The following NTM variants were observed in gnomAD, a reference collection of about 807,000 sequenced individuals.
The protein encoded by NTM is IgLON family member 2.
A neutral mutation model predicts 42.1 loss-of-function variants in NTM; 13 were observed. The observed-to-expected ratio is 0.31, with a 90% confidence interval of 0.20 to 0.49. The LOEUF (loss-of-function observed/expected upper bound fraction) is 0.49. Among genes scored for constraint, NTM ranks in the 20% least tolerant of loss-of-function variants. The pLI is 0.99. For synonymous variants in NTM, 187 were observed against 179.2 expected, an observed-to-expected ratio of 1.04 and a Z score of -0.35; for missense variants, 373 against 452.8, an observed-to-expected ratio of 0.82 and a Z score of 1.60.
intron 2 of NTM, among the ~76,000 whole-genome samples, chr11:131,922,420 C>G (rs367591015): frequency 3.3e-5 from 5 of 152,216 alleles, no homozygotes; most frequent in African/African-American, 9.7e-5. Flanking sequence ...GTCCTCCCAG[C>G]CAGTACCCTT....
intron 1 of NTM, among the ~76,000 whole-genome samples, chr11:131,515,715 A>G (rs908432454): frequency 3.9e-5 from 6 of 152,218 alleles, no homozygotes; most frequent in African/African-American, 1.4e-4. Context: ...TTATGACCCT[A>G]GGATCGGAGA....
At chr11:132,001,596 G>T (rs1183443320) in intron 2 of NTM, among the ~76,000 whole-genome samples, 2 of 152,032 alleles carry the variant, frequency 1.3e-5, no homozygotes, top group African/African-American at 2.4e-5. Context: ...AGAGGGTGGG[G>T]AGGAGGTACC....
chr11:132,302,446 G>A (rs1163195052), intron 4 of NTM, among the ~76,000 whole-genome samples: 5 of 152,176 alleles, frequency 3.3e-5, no homozygotes, highest in South Asian at 2.1e-4. Flanking sequence ...GAAATACAAT[G>A]ATCATGCTAA....
chr11:131,672,422 T>G (rs994334327), intron 1 of NTM, among the ~76,000 whole-genome samples: 3 of 152,160 alleles, frequency 2.0e-5, no homozygotes, highest in African/African-American at 7.2e-5. Context: ...TGGGCGTGTT[T>G]GGATGAGCGC....
At chr11:131,795,389 AG>A in intron 1 of NTM, 2 of 984,804 alleles carry the variant, frequency 2.0e-6, no homozygotes, top group South Asian at 9.4e-5. Flanking sequence ...TCACTTAAAA[AG>A]GGAATAGTGA....
At chr11:131,443,805 A>C (rs987356093) in intron 1 of NTM, among the ~76,000 whole-genome samples, 31 of 152,206 alleles carry the variant, frequency 2.0e-4, no homozygotes, top group Non-Finnish European at 2.9e-5. Context: ...CTTCCATGGC[A>C]TGAGGTGTCA....
chr11:131,701,374 A>G (rs1445441806), intron 1 of NTM, among the ~76,000 whole-genome samples: 1 of 152,198 alleles, frequency 6.6e-6, no homozygotes, highest in Admixed American at 6.5e-5. Flanking sequence ...AGTATATGTT[A>G]TTCCTTTTCT....
chr11:131,583,321 T>C (rs563687505), intron 1 of NTM, among the ~76,000 whole-genome samples: 2 of 152,314 alleles, frequency 1.3e-5, no homozygotes, highest in East Asian at 1.9e-4. Flanking sequence ...CCCAATATAC[T>C]GCACACATTT....
chr11:131,794,610 T>G, intron 1 of NTM: 1 of 963,568 alleles, frequency 1.0e-6, no homozygotes, highest in East Asian at 1.3e-4. Flanking sequence ...ACAAAATAAG[T>G]GCTGGATGAG....
intron 1 of NTM, among the ~76,000 whole-genome samples, chr11:131,476,347 C>T (rs1276055997): frequency 6.6e-6 from 1 of 152,338 alleles, no homozygotes; most frequent in East Asian, 1.9e-4. Context: ...AACCAGGTAG[C>T]AGCAGGACCC....
At chr11:131,826,112 C>T (rs76496333) in intron 1 of NTM, among the ~76,000 whole-genome samples, 2,739 of 152,084 alleles carry the variant, frequency 0.018, 89 homozygotes, top group African/African-American at 0.063. Context: ...AAGATGCCTA[C>T]AGGAGAATCA....
intron 1 of NTM, among the ~76,000 whole-genome samples, chr11:131,378,257 C>T (rs1213109842): frequency 6.6e-6 from 1 of 152,140 alleles, no homozygotes; most frequent in African/African-American, 2.4e-5. Flanking sequence ...AAGACACATC[C>T]CCTATATAGG....
chr11:132,179,580 A>G (rs541225078), intron 3 of NTM, among the ~76,000 whole-genome samples: 3 of 152,334 alleles, frequency 2.0e-5, no homozygotes, highest in African/African-American at 7.2e-5. Context: ...AGAGTACTTC[A>G]AAATGTTATA....
intron 2 of NTM, among the ~76,000 whole-genome samples, chr11:132,022,489 G>C (rs1401666895): frequency 6.6e-6 from 1 of 152,154 alleles, no homozygotes; most frequent in Non-Finnish European, 1.5e-5. Context: ...TACACTCTTA[G>C]TCCCACGTGG....
chr11:131,506,204 T>A (rs2047467865), intron 1 of NTM, among the ~76,000 whole-genome samples: 1 of 152,170 alleles, frequency 6.6e-6, no homozygotes, highest in Non-Finnish European at 1.5e-5. Context: ...CCCGAGCCTA[T>A]TTGTGGAACT....
chr11:132,031,857 G>C (rs757820543), intron 2 of NTM, among the ~76,000 whole-genome samples: 2 of 152,144 alleles, frequency 1.3e-5, no homozygotes, highest in African/African-American at 4.8e-5. Context: ...ATGTGTGAAA[G>C]TCTTTAAATC....
At chr11:132,209,963 T>A (rs749393405) in intron 3 of NTM, among the ~76,000 whole-genome samples, 1 of 152,210 alleles carries the variant, frequency 6.6e-6, no homozygotes, top group Non-Finnish European at 1.5e-5. Context: ...GATATCTTTA[T>A]AAACTCCCTT....
intron 2 of NTM, among the ~76,000 whole-genome samples, chr11:132,057,276 ATT>A (rs11296861): frequency 1.6e-4 from 24 of 148,772 alleles, no homozygotes; most frequent in South Asian, 8.4e-4. Flanking sequence ...TGTATTTTGG[ATT>A]TTTTTTTTTT....
At chr11:131,507,419 TCTGTTTTGGTACCAGTACCATG>T in intron 1 of NTM, among the ~76,000 whole-genome samples, 1 of 151,668 alleles carries the variant, frequency 6.6e-6, no homozygotes, top group Admixed American at 6.6e-5. Context: ...GATCTATATC[TCTGTTTTGGTACCAGTACCATG>T]CTGTTTTGGT....
Sources: gnomAD v4.1 joint callset for allele counts (sites outside exome capture counted in the v4.1 genomes callset) on GRCh38, gnomAD v4.1.1 for gene constraint, MANE v1.5 for transcripts, NCBI Gene and HGNC (gene_info 2026-07-23, HGNC 2026-07-21) for gene names.